Variants in STOX2 observed in about 807,000 individuals in gnomAD.
STOX2 encodes storkhead box 2.
STOX2 carries 28 observed loss-of-function variants against 60.9 expected under a neutral mutation model. The ratio of observed to expected loss-of-function variants is 0.46; its 90% CI spans 0.34 to 0.63. The LOEUF is 0.63. Ranked by LOEUF, STOX2 falls within the 30% of genes least tolerant of loss-of-function variation. STOX2 has a pLI of 0.01. For synonymous variants in STOX2, 472 were observed against 463.9 expected (o/e 1.02, Z -0.22); for missense variants, 1,024 against 1,187.7 (o/e 0.86, Z 2.03).
chr4:183,931,708 C>T (rs1423471347), intron 1 of STOX2, among the ~76,000 whole-genome samples: 1 of 152,010 alleles, frequency 6.6e-6, no homozygotes, highest in Non-Finnish European at 1.5e-5. Flanking sequence ...GTTGGATGAC[C>T]TTATAAACTG....
chr4:183,957,861 G>T (rs942964687), intron 1 of STOX2, among the ~76,000 whole-genome samples: 1 of 150,412 alleles, frequency 6.6e-6, no homozygotes, highest in Non-Finnish European at 1.5e-5. Context: ...TTTCTTTCAG[G>T]GGGGATGATA....
chr4:183,975,250 A>G (rs1438762331), intron 1 of STOX2, among the ~76,000 whole-genome samples: 1 of 152,116 alleles, frequency 6.6e-6, no homozygotes, highest in African/African-American at 2.4e-5. Flanking sequence ...AAGAACTGCA[A>G]TGAGCAATCT....
upstream of STOX2, among the ~76,000 whole-genome samples, chr4:183,903,435 T>C (rs977410822): frequency 5.3e-5 from 8 of 152,220 alleles, no homozygotes; most frequent in African/African-American, 1.9e-4. Context: ...CTTAGAGAGA[T>C]TATTGTTCTT....
chr4:183,957,651 C>A (rs962552629), intron 1 of STOX2, among the ~76,000 whole-genome samples: 5 of 152,210 alleles, frequency 3.3e-5, no homozygotes, highest in African/African-American at 1.2e-4. Flanking sequence ...TCCTTTCAAT[C>A]TTGTCCCCGT....
At chr4:183,862,245 G>A (rs908222702) in intron 1 of STOX2, among the ~76,000 whole-genome samples, 1 of 152,048 alleles carries the variant, frequency 6.6e-6, no homozygotes, top group Non-Finnish European at 1.5e-5. Context: ...GCACGATCTC[G>A]GCTCATTGCA....
At position 184,010,074 on chromosome 4, in the gene STOX2, C is replaced by T; in HGVS notation, c.1236C>T (p.Phe412=). 1 of 1,611,042 alleles carries T rather than the reference C, an allele frequency of 6.2e-7. No homozygotes were observed. The highest frequency in any genetic ancestry group is 8.5e-7 in the Non-Finnish European group (1 of 1,178,566). The change falls in exon 3 of 4, where the codon TTC becomes TTT. Residue 412 remains phenylalanine, a synonymous_variant. Transcript: ENST00000308497. This position sits in a 1 kb window ranked among gnomAD's most constrained non-coding sequence, Gnocchi z 4.5. The part of the protein sequence containing the change: ...PLTRVPREGC[F]IIEHKGDNFI... ...CCAGGGTGCCCAGGGAGGGCTGCTT[C>T]ATCATTGAACACAAAGGAGATAACT...
At chr4:183,837,684 C>T (rs1739749811) in intron 1 of STOX2, among the ~76,000 whole-genome samples, 1 of 152,132 alleles carries the variant, frequency 6.6e-6, no homozygotes, top group Non-Finnish European at 1.5e-5. Flanking sequence ...GTCTCGAACT[C>T]CTGGCCTCAA....
chr4:183,989,002 C>T (rs967279106), intron 1 of STOX2, among the ~76,000 whole-genome samples: 1 of 152,176 alleles, frequency 6.6e-6, no homozygotes, highest in African/African-American at 2.4e-5. Context: ...CACGACCTCA[C>T]CAGCCCAGGT....
chr4:183,898,546 C>T (rs1741391806), intron 1 of STOX2, among the ~76,000 whole-genome samples: 2 of 152,104 alleles, frequency 1.3e-5, no homozygotes. Context: ...ATTTGGAAAT[C>T]ATTCACTTGC....
intron 1 of STOX2, among the ~76,000 whole-genome samples, chr4:183,822,132 C>T (rs1026565178): frequency 2.0e-5 from 3 of 152,180 alleles, no homozygotes; most frequent in Non-Finnish European, 4.4e-5. Context: ...AGCATCAAAC[C>T]CCCATAAGCC....
rs1478923587 is a variant in STOX2 at position 184,019,649 on chromosome 4, G to A, written c.*2365G>A. 6.6e-6 allele frequency: 1 copy of A among 152,212 alleles called. No homozygotes were observed. Among genetic ancestry groups the A allele is most frequent in the East Asian group, 1.9e-4 (1 of 5,196 alleles). The allele number at this position is 152,212 out of a possible 1,614,324, so 9.4% of individuals were successfully genotyped here. A position where few individuals can be genotyped will look rare whatever the true frequency, so the allele number is the denominator to read the frequency against. ...ATTCAAATAAATATGTACACTATTT[G>A]CCTGATGCTATGGGGTACATAATTT... On this transcript the variant is annotated 3_prime_UTR_variant, in exon 4 of 4. Coordinates refer to ENST00000308497, the MANE Select transcript of STOX2 (RefSeq NM_020225.3).
chr4:183,975,915 A>G (rs901397531), intron 1 of STOX2, among the ~76,000 whole-genome samples: 13 of 152,234 alleles, frequency 8.5e-5, no homozygotes, highest in African/African-American at 3.1e-4. Context: ...AGATGCAGAA[A>G]TCCTTCACAA....
At chr4:183,839,376 A>T (rs1158921718) in intron 1 of STOX2, among the ~76,000 whole-genome samples, 1 of 152,166 alleles carries the variant, frequency 6.6e-6, no homozygotes, top group Non-Finnish European at 1.5e-5. Flanking sequence ...TGATCCGAAA[A>T]GTTTGGGTGC....
intron 1 of STOX2, among the ~76,000 whole-genome samples, chr4:183,850,292 A>G (rs1198479070): frequency 1.3e-5 from 2 of 152,076 alleles, no homozygotes; most frequent in Non-Finnish European, 1.5e-5. Context: ...TTAAATGCTC[A>G]AAAAGTTTAT....
rs557343761 is a variant in STOX2, at chr4:183,833,799, C to T, written c.364+35744C>T. Among the ~76,000 whole-genome samples, 5 of 148,238 alleles carry T rather than the reference C, an allele frequency of 3.4e-5. No homozygotes were observed. The East Asian group carries it at 6.0e-4, about 18-fold the overall frequency. On this transcript the variant is annotated intron_variant, in intron 1 of 2. Coordinates refer to the STOX2 transcript ENST00000513034. The stretch of plus-strand genomic sequence containing the variant: ...AGATCGAGACCATCCCGGCTAAAAA[C>T]GGTGAAACCCCGTCTCTACTAAAAA...
rs1046949494 is a variant in STOX2 at position 183,905,478 on chromosome 4, G to A, written c.-1313G>A. On this transcript the variant is annotated 5_prime_UTR_variant, in exon 1 of 4. The change creates a premature stop within an existing upstream ORF in the 5' untranslated region. Coordinates refer to ENST00000308497, the MANE Select transcript of STOX2 (RefSeq NM_020225.3). ...CCGGCGCCCCGGCGTGTGCGGTTGT[G>A]GGGGAGCTCGCCGTGGCCTCCCCTC... 1 of 152,302 alleles carries A rather than the reference G, an allele frequency of 6.6e-6. No individual in the cohort carries two copies. The highest frequency in any genetic ancestry group is 6.5e-5 in the Admixed American group (1 of 15,284). 9.4% of individuals were successfully genotyped at this position (152,302 alleles called of 1,614,324 possible). A position where few individuals can be genotyped will look rare whatever the true frequency, so the allele number is the denominator to read the frequency against.
chr4:184,022,773 TC>T lies in STOX2; in HGVS notation c.*5491del. 1 of 152,380 alleles carries T rather than the reference TC, an allele frequency of 6.6e-6. No homozygotes were observed. Among genetic ancestry groups the T allele is most frequent in the Admixed American group, 6.5e-5 (1 of 15,274 alleles). 9.4% of individuals were successfully genotyped at this position (152,380 alleles called of 1,614,324 possible). A position where few individuals can be genotyped will look rare whatever the true frequency, so the allele number is the denominator to read the frequency against. ...GCAGCAGCTCCTCCACTTCCTTTCC[TC>T]CGAGGTCCTCCTTTCCATTCTCCCA... is the stretch of plus-strand genomic sequence containing the variant. On this transcript the variant is annotated 3_prime_UTR_variant, in exon 4 of 4. Transcript: ENST00000308497.
chr4:183,847,915 G>A (rs533614249), intron 1 of STOX2, among the ~76,000 whole-genome samples: 38 of 152,294 alleles, frequency 2.5e-4, no homozygotes, highest in Admixed American at 7.8e-4. Context: ...AAACATGTGT[G>A]AGCTAAGTGC....
At chr4:183,831,606 T>C (rs1440869858) in intron 1 of STOX2, among the ~76,000 whole-genome samples, 2 of 152,030 alleles carry the variant, frequency 1.3e-5, no homozygotes, top group Non-Finnish European at 2.9e-5. Flanking sequence ...AAACAATTAA[T>C]CAACTTCTAG....
Sources: allele counts gnomAD v4.1 joint callset (sites outside exome capture counted in the v4.1 genomes callset), GRCh38; gene constraint gnomAD v4.1.1; non-coding constraint Gnocchi (gnomAD v3.1); transcripts MANE v1.5; gene names NCBI Gene and HGNC (gene_info 2026-07-23, HGNC 2026-07-21).